The following CNTNAP2 variants were observed in gnomAD, a reference collection of about 807,000 sequenced individuals.
The protein encoded by CNTNAP2 is contactin associated protein 2, also known as contactin-associated protein-like 2.
In CNTNAP2, 98 loss-of-function variants were observed where a neutral mutation model predicts 155.2. The ratio of observed to expected loss-of-function variants is 0.63; its 90% CI spans 0.54 to 0.75. CNTNAP2 has a LOEUF of 0.75. Among genes scored for constraint, CNTNAP2 ranks in the 30% least tolerant of loss-of-function variants. CNTNAP2 has a pLI of 0.00. For synonymous variants in CNTNAP2, 651 were observed against 631.2 expected (o/e 1.03, Z -0.47); for missense variants, 1,727 against 1,688.1 (o/e 1.02, Z -0.40).
chr7:147,956,685 T>C (rs1028132637), intron 14 of CNTNAP2, among the ~76,000 whole-genome samples: 9 of 152,190 alleles, frequency 5.9e-5, no homozygotes, highest in African/African-American at 1.9e-4. Context: ...GATTGGACTT[T>C]TCATCCATCA....
At chr7:146,396,790 A>G (rs1408450658) in intron 1 of CNTNAP2, among the ~76,000 whole-genome samples, 1 of 151,470 alleles carries the variant, frequency 6.6e-6, no homozygotes, top group Non-Finnish European at 1.5e-5. Context: ...AGCATGCTAA[A>G]TATTTTATTT....
chr7:147,376,041 A>C (rs1426344742), intron 9 of CNTNAP2, among the ~76,000 whole-genome samples: 1 of 152,080 alleles, frequency 6.6e-6, no homozygotes, highest in African/African-American at 2.4e-5. Context: ...GGTTGGGAAG[A>C]AGTATGATAA....
intron 11 of CNTNAP2, among the ~76,000 whole-genome samples, chr7:147,487,453 T>C (rs966466868): frequency 1.3e-5 from 2 of 152,228 alleles, no homozygotes; most frequent in Non-Finnish European, 2.9e-5. Context: ...AACGTGATGC[T>C]AGAATTACAT....
chr7:146,301,964 C>T (rs537572924), intron 1 of CNTNAP2, among the ~76,000 whole-genome samples: 25 of 152,040 alleles, frequency 1.6e-4, no homozygotes, highest in Non-Finnish European at 3.2e-4. Flanking sequence ...CAAGCTACCT[C>T]GTAGGACTTG....
intron 3 of CNTNAP2, among the ~76,000 whole-genome samples, chr7:147,035,947 T>C (rs1445920886): frequency 6.6e-6 from 1 of 152,212 alleles, no homozygotes; most frequent in Admixed American, 6.5e-5. Flanking sequence ...TGATAAATTA[T>C]ATTTTCCAAG....
intron 3 of CNTNAP2, among the ~76,000 whole-genome samples, chr7:146,987,995 C>G (rs756331654): frequency 2.6e-5 from 4 of 151,978 alleles, no homozygotes; most frequent in Non-Finnish European, 1.5e-5. Flanking sequence ...TCCAAATTCC[C>G]GTAACTCTAT....
intron 1 of CNTNAP2, among the ~76,000 whole-genome samples, chr7:146,330,887 C>T (rs1362802526): frequency 2.6e-5 from 4 of 151,988 alleles, no homozygotes; most frequent in South Asian, 4.1e-4. Flanking sequence ...TTCAATTAGC[C>T]CAATTATAAT....
chr7:148,410,777 G>A (rs991209345), intron 23 of CNTNAP2, among the ~76,000 whole-genome samples: 2 of 152,038 alleles, frequency 1.3e-5, no homozygotes, highest in Non-Finnish European at 2.9e-5. Flanking sequence ...ACAGAGATTG[G>A]GAAAGTTGAG....
intron 7 of CNTNAP2, among the ~76,000 whole-genome samples, chr7:147,130,455 A>C (rs923914654): frequency 3.3e-5 from 5 of 152,116 alleles, no homozygotes; most frequent in African/African-American, 1.2e-4. Flanking sequence ...CTGTCCCCCC[A>C]AAAATAAAAG....
At chr7:146,770,331 C>CAA (rs1247789049) in intron 1 of CNTNAP2, among the ~76,000 whole-genome samples, 21 of 151,294 alleles carry the variant, frequency 1.4e-4, no homozygotes, top group African/African-American at 4.9e-4. Flanking sequence ...CACACACACA[C>CAA]ACACACACAC....
chr7:147,975,754 C>CAT (rs1376323106), intron 14 of CNTNAP2, among the ~76,000 whole-genome samples: 2 of 152,114 alleles, frequency 1.3e-5, no homozygotes, highest in African/African-American at 4.8e-5. Flanking sequence ...ATTCTCAGTA[C>CAT]ATATTTTTGC....
intron 4 of CNTNAP2, among the ~76,000 whole-genome samples, chr7:147,075,219 T>G (rs1414119630): frequency 6.6e-6 from 1 of 152,198 alleles, no homozygotes; most frequent in Non-Finnish European, 1.5e-5. Context: ...TTGTACTTTG[T>G]GTGGGTAAAC....
intron 8 of CNTNAP2, among the ~76,000 whole-genome samples, chr7:147,202,550 A>G (rs527706521): frequency 1.3e-5 from 2 of 152,158 alleles, no homozygotes; most frequent in Non-Finnish European, 2.9e-5. Flanking sequence ...AGATATTAGG[A>G]GAGGCCCCAA....
chr7:147,347,493 C>CATAT lies in CNTNAP2; in HGVS notation c.1498+47208_1498+47211dup, dbSNP rs1311432350. On this transcript the variant is annotated intron_variant, in intron 9 of 23. Transcript: ENST00000361727. ...ATATATATGCATATATATATATATGCATATATATGTGTGTGTGTGTGTAGC... is the reference window on the plus strand; with the variant it reads ...ATATATATGCATATATATATATATGCATATATATATATGTGTGTGTGTGTGTAGC... Among the ~76,000 whole-genome samples, 3 of 82,880 alleles carry CATAT rather than the reference C, an allele frequency of 3.6e-5. No homozygotes were observed. In the South Asian group the frequency reaches 1.2e-3, roughly 33 times the overall value. 54.4% of individuals were successfully genotyped at this position (82,880 alleles called of 152,430 possible).
intron 11 of CNTNAP2, among the ~76,000 whole-genome samples, chr7:147,491,040 C>T (rs1384085379): frequency 6.6e-6 from 1 of 152,138 alleles, no homozygotes; most frequent in Non-Finnish European, 1.5e-5. Context: ...CCTCCCTCAA[C>T]ACGTGGGGAT....
intron 3 of CNTNAP2, among the ~76,000 whole-genome samples, chr7:147,039,121 CAT>C (rs1799213237): frequency 1.3e-5 from 2 of 152,064 alleles, no homozygotes; most frequent in South Asian, 2.1e-4. Flanking sequence ...CATATAAAAA[CAT>C]ATATAACAAT....
chr7:147,658,830 GT>G (rs1243968502), intron 13 of CNTNAP2, among the ~76,000 whole-genome samples: 1 of 152,138 alleles, frequency 6.6e-6, no homozygotes, highest in African/African-American at 2.4e-5. Flanking sequence ...CTATAGTTCT[GT>G]TAATGTACTC....
intron 13 of CNTNAP2, among the ~76,000 whole-genome samples, chr7:147,733,367 C>T (rs958059984): frequency 1.3e-5 from 2 of 152,080 alleles, no homozygotes; most frequent in Non-Finnish European, 2.9e-5. Flanking sequence ...CTGTTTTGTT[C>T]CCTTGGTCTA....
chr7:147,258,819 A>G (rs577503969), intron 8 of CNTNAP2, among the ~76,000 whole-genome samples: 2 of 152,216 alleles, frequency 1.3e-5, no homozygotes, highest in Non-Finnish European at 2.9e-5. Context: ...TGCTGTCTTC[A>G]ATAATTCCAG....
Sources: allele counts gnomAD v4.1 joint callset (sites outside exome capture counted in the v4.1 genomes callset), GRCh38; gene constraint gnomAD v4.1.1; transcripts MANE v1.5; gene names NCBI Gene and HGNC (gene_info 2026-07-23, HGNC 2026-07-21).